The following SORCS2 variants were observed in gnomAD, a reference collection of about 807,000 sequenced individuals.
The protein encoded by SORCS2 is VPS10 domain-containing receptor SorCS2.
In SORCS2, 100 loss-of-function variants were observed where a neutral mutation model predicts 141.6. The observed-to-expected ratio is 0.71, with a 90% CI of 0.60 to 0.83. The LOEUF (loss-of-function observed/expected upper bound fraction) is 0.83. SORCS2 is among the 40% of genes least tolerant of loss of function. The pLI is 0.00. For missense variants in SORCS2, 1,646 were observed against 1,560.2 expected, an observed-to-expected ratio of 1.05 and a Z score of -0.93; for synonymous variants, 789 against 676.9, an observed-to-expected ratio of 1.17 and a Z score of -2.57.
chr4:7,269,351 G>A (rs1274236287), intron 1 of SORCS2, among the ~76,000 whole-genome samples: 2 of 152,212 alleles, frequency 1.3e-5, no homozygotes, highest in African/African-American at 2.4e-5. Flanking sequence ...CATGACATGC[G>A]GCCAGGTGAT....
rs1470883622 is a variant in SORCS2, at chr4:7,664,946, A to G, written c.1071+475A>G. Among the ~76,000 whole-genome samples, 7 of 151,986 alleles carry G rather than the reference A, an allele frequency of 4.6e-5. No individual in the cohort carries two copies. The highest frequency in any genetic ancestry group is 4.8e-5 in the African/African-American group (2 of 41,386). ...ATTCAGAAACTCTAGCACACAACCA[A>G]TCCATCCAGCTTTTCTTCACCTTCA... is the stretch of plus-strand genomic sequence containing the variant. On this transcript the variant is annotated intron_variant, in intron 7 of 26. Coordinates refer to ENST00000507866, the MANE Select transcript of SORCS2 (RefSeq NM_020777.3). This position sits in a 1 kb window ranked among gnomAD's most constrained non-coding sequence, Gnocchi z 4.7.
chr4:7,434,819 A>C (rs761694977), intron 2 of SORCS2: 1 of 1,603,298 alleles, frequency 6.2e-7, no homozygotes, highest in Non-Finnish European at 8.5e-7. Flanking sequence ...TGGGGGCCTG[A>C]GGTGGGGCTG....
intron 23 of SORCS2, among the ~76,000 whole-genome samples, chr4:7,731,852 C>G (rs1247063360): frequency 6.6e-6 from 1 of 152,148 alleles, no homozygotes; most frequent in Non-Finnish European, 1.5e-5. Context: ...TGTAAAAACA[C>G]CAAAAGAAAA....
rs145477009 is a variant in SORCS2 at position 7,565,801 on chromosome 4, TG to T, written c.648+34174del. On this transcript the variant is annotated intron_variant, in intron 3 of 26. Transcript: ENST00000507866. The stretch of plus-strand genomic sequence containing the variant: ...GATGTGATGATGGATATGATGATGA[TG>T]GTGATGATGTGATGATGGCAATGGT... 9.4e-3 allele frequency among the ~76,000 whole-genome samples: 1,415 copies of T among 150,924 alleles called. 10 individuals are homozygous for T. The highest frequency in any genetic ancestry group is 0.028 in the Middle Eastern group (8 of 290).
intron 1 of SORCS2, among the ~76,000 whole-genome samples, chr4:7,383,247 A>C (rs906553473): frequency 1.3e-5 from 2 of 152,070 alleles, no homozygotes; most frequent in Non-Finnish European, 2.9e-5. Context: ...TACCTTCCTG[A>C]CAATTCTGAG....
chr4:7,620,337 G>A (rs1042111317), intron 3 of SORCS2, among the ~76,000 whole-genome samples: 2 of 152,178 alleles, frequency 1.3e-5, no homozygotes, highest in Non-Finnish European at 1.5e-5. Context: ...GCGAGTGTCC[G>A]GCAGTCTCTC....
At chr4:7,548,315 C>T (rs988109156) in intron 3 of SORCS2, among the ~76,000 whole-genome samples, 2 of 152,196 alleles carry the variant, frequency 1.3e-5, no homozygotes, top group African/African-American at 4.8e-5. Context: ...GCCTCGTGGG[C>T]AGTGAGTCCC....
At chr4:7,494,995 C>T (rs2109411298) in intron 2 of SORCS2, among the ~76,000 whole-genome samples, 1 of 152,356 alleles carries the variant, frequency 6.6e-6, no homozygotes, top group Non-Finnish European at 1.5e-5. Context: ...CACCATTTCT[C>T]CTGGGTCCTT....
intron 1 of SORCS2, among the ~76,000 whole-genome samples, chr4:7,243,839 C>T (rs1024021296): frequency 1.3e-5 from 2 of 152,218 alleles, no homozygotes; most frequent in African/African-American, 4.8e-5. Flanking sequence ...CAGCACCTCA[C>T]CAGGGCACCA....
At chr4:7,416,543 C>G (rs1267108569) in intron 2 of SORCS2, among the ~76,000 whole-genome samples, 4 of 152,204 alleles carry the variant, frequency 2.6e-5, no homozygotes, top group Non-Finnish European at 1.5e-5. Context: ...CACACGCCCA[C>G]ACGTGCATGC....
At chr4:7,391,502 C>T (rs1247646004) in intron 1 of SORCS2, among the ~76,000 whole-genome samples, 5 of 152,016 alleles carry the variant, frequency 3.3e-5, no homozygotes, top group South Asian at 2.1e-4. Context: ...GAGGTGGGGC[C>T]GGCTGTGGTG....
chr4:7,256,403 C>T (rs796314031), intron 1 of SORCS2, among the ~76,000 whole-genome samples: 4 of 152,290 alleles, frequency 2.6e-5, no homozygotes, highest in African/African-American at 9.6e-5. Context: ...AAAAACAAAA[C>T]ACCATGTGTG....
chr4:7,463,802 G>C (rs1478212607), intron 2 of SORCS2, among the ~76,000 whole-genome samples: 2 of 152,156 alleles, frequency 1.3e-5, no homozygotes, highest in Non-Finnish European at 2.9e-5. Flanking sequence ...GGAGCCCTGC[G>C]CCGCCTACAT....
intron 2 of SORCS2, among the ~76,000 whole-genome samples, chr4:7,397,799 A>G (rs9995355): frequency 0.18 from 27,783 of 152,214 alleles, 2,843 homozygotes; most frequent in Non-Finnish European, 0.23. Flanking sequence ...GGGCGCCTTC[A>G]CTGCTGGGCA....
chr4:7,565,705 C>T lies in SORCS2; in HGVS notation c.648+34076C>T, dbSNP rs560388992. Among the ~76,000 whole-genome samples, 19 of 143,082 alleles carry T rather than the reference C, an allele frequency of 1.3e-4. No individual in the cohort carries two copies. The East Asian group carries it at 2.1e-3, about 16-fold the overall frequency. 93.9% of individuals were successfully genotyped at this position (143,082 alleles called of 152,430 possible). A position where few individuals can be genotyped will look rare whatever the true frequency, so the allele number is the denominator to read the frequency against. ...ATGATGGTGATGTTTATGATGATGACGGTGGTGATGGTGCTGTGATGGTGA... is the reference window on the plus strand; with the variant it reads ...ATGATGGTGATGTTTATGATGATGATGGTGGTGATGGTGCTGTGATGGTGA... On this transcript the variant is annotated intron_variant, in intron 3 of 26. Transcript: ENST00000507866.
chr4:7,533,766 A>G (rs1711860665), intron 3 of SORCS2, among the ~76,000 whole-genome samples: 1 of 152,150 alleles, frequency 6.6e-6, no homozygotes, highest in African/African-American at 2.4e-5. Flanking sequence ...CTGCTTCTGC[A>G]TGCAGCAACC....
intron 2 of SORCS2, among the ~76,000 whole-genome samples, chr4:7,521,342 C>T (rs1733316984): frequency 6.6e-6 from 1 of 152,162 alleles, no homozygotes; most frequent in African/African-American, 2.4e-5. Flanking sequence ...ACACTGGGCA[C>T]CCCCTCCGGC....
Position 7,729,658 on chromosome 4 carries a change from C to T in SORCS2, c.3054C>T (p.Tyr1018=), listed in dbSNP as rs762851858. 64 of 1,606,526 alleles carry T rather than the reference C, an allele frequency of 4.0e-5. No homozygotes were observed. In the East Asian group the frequency reaches 8.5e-4, roughly 21 times the overall value. The change falls in exon 23 of 27, where the codon TAC becomes TAT. Residue 1018 remains tyrosine (Y), a synonymous_variant. Transcript: ENST00000507866. ...GGCTGCCCACTTTGGCCGATCTGTA[C>T]GTGCTCCTGCCCCCTCCCAGGCCCA... ...KPGLPTLADL[Y]VLLPPPRPTR... is the part of the protein sequence containing the mutation.
intron 18 of SORCS2, among the ~76,000 whole-genome samples, chr4:7,722,679 A>C (rs1257078659): frequency 6.6e-6 from 1 of 152,174 alleles, no homozygotes; most frequent in Non-Finnish European, 1.5e-5. Flanking sequence ...ATCTTAGCTA[A>C]TGACACCTGT....
Sources: gnomAD v4.1 joint callset for allele counts (sites outside exome capture counted in the v4.1 genomes callset) on GRCh38, gnomAD v4.1.1 for gene constraint, Gnocchi (gnomAD v3.1) non-coding constraint, MANE v1.5 for transcripts, NCBI Gene and HGNC (gene_info 2026-07-23, HGNC 2026-07-21) for gene names.